The following PID1 variants were observed in gnomAD, a reference collection of about 807,000 sequenced individuals.
PID1 encodes the protein PTB-containing, cubilin and LRP1-interacting protein.
PID1 carries 10 observed loss-of-function variants against 19.1 expected under a neutral mutation model. The observed-to-expected ratio is 0.52, with a 90% CI of 0.32 to 0.89. PID1 has a LOEUF of 0.89. PID1 is among the 40% of genes least tolerant of loss of function. The pLI is 0.03. For synonymous variants in PID1, 130 were observed against 116.0 expected (o/e 1.12, Z -0.78); for missense variants, 248 against 285.3 (o/e 0.87, Z 0.94).
At chr2:229,121,039 A>C (rs2106158185) in intron 2 of PID1, among the ~76,000 whole-genome samples, 1 of 152,268 alleles carries the variant, frequency 6.6e-6, no homozygotes, top group South Asian at 2.1e-4. Context: ...CAGCATGAAG[A>C]ACTGTGAGCT....
rs375657021 is a variant in PID1 at position 229,206,489 on chromosome 2, A to G, written c.31-50525T>C. ...TAAATTCAGTTTATAAATTCTCCCC[A>G]CTGAACTTGAACAAGAAACCTCTTC... On this transcript the variant is annotated intron_variant, in intron 1 of 2. Coordinates refer to ENST00000392055, the MANE Select transcript of PID1 (RefSeq NM_001100818.2). Among the ~76,000 whole-genome samples, 7 of 152,256 alleles carry G rather than the reference A, an allele frequency of 4.6e-5. No homozygotes were observed. The South Asian group carries it at 1.0e-3, about 23-fold the overall frequency.
rs368362997 is a variant in PID1, at chr2:229,132,861, C to T, written c.177+22957G>A. 1.3e-4 allele frequency among the ~76,000 whole-genome samples: 20 copies of T among 151,858 alleles called. No homozygotes were observed. In the East Asian group the frequency reaches 3.7e-3, roughly 28 times the overall value. ...TAGAGATTTTTTTTAAATACTTAGG[C>T]GAAAGATGAGAGAATTCTAAATATG... is the stretch of plus-strand genomic sequence containing the variant. On this transcript the variant is annotated intron_variant, in intron 2 of 2. Transcript: ENST00000392055.
At chr2:229,120,107 A>G (rs377053304) in intron 2 of PID1, among the ~76,000 whole-genome samples, 1 of 152,142 alleles carries the variant, frequency 6.6e-6, no homozygotes. Flanking sequence ...TCTTATAATA[A>G]ATTTTTTTTC....
At chr2:229,144,241 C>G (rs1356687855) in intron 2 of PID1, among the ~76,000 whole-genome samples, 1 of 152,094 alleles carries the variant, frequency 6.6e-6, no homozygotes, top group Non-Finnish European at 1.5e-5. Flanking sequence ...AACAGAGGAG[C>G]ATCCAACACA....
chr2:229,209,898 A>T (rs1691689644), intron 1 of PID1, among the ~76,000 whole-genome samples: 1 of 152,178 alleles, frequency 6.6e-6, no homozygotes, highest in Non-Finnish European at 1.5e-5. Context: ...AGCACTTAGG[A>T]TCACATTGAT....
At chr2:229,262,773 T>C (rs1690492580) in intron 1 of PID1, 1 of 1,551,554 alleles carries the variant, frequency 6.4e-7, no homozygotes, top group East Asian at 2.4e-5. Context: ...TCGACTCTTC[T>C]AACATCAGGT....
intron 1 of PID1, among the ~76,000 whole-genome samples, chr2:229,250,350 A>G (rs1189140397): frequency 6.6e-6 from 1 of 152,216 alleles, no homozygotes; most frequent in Non-Finnish European, 1.5e-5. Context: ...ATGCCATTGG[A>G]CAAAATGCTT....
intron 2 of PID1, among the ~76,000 whole-genome samples, chr2:229,076,383 TG>T (rs1432842434): frequency 6.6e-6 from 1 of 152,042 alleles, no homozygotes; most frequent in Non-Finnish European, 1.5e-5. Flanking sequence ...CTTGGGTTTT[TG>T]TTTTTTTTTT....
intron 2 of PID1, among the ~76,000 whole-genome samples, chr2:229,106,889 C>T (rs114886573): frequency 0.028 from 4,216 of 152,216 alleles, 80 homozygotes; most frequent in Non-Finnish European, 0.042. Flanking sequence ...TAATTGCTAT[C>T]CCCCAGTACC....
intron 1 of PID1, among the ~76,000 whole-genome samples, chr2:229,193,161 G>A (rs1691299083): frequency 6.6e-6 from 1 of 152,190 alleles, no homozygotes; most frequent in Non-Finnish European, 1.5e-5. Flanking sequence ...GTATTGACCA[G>A]GATCAACCGG....
In PID1 at chr2:229,026,074, A is replaced by T; in HGVS notation, c.212T>A (p.Met71Lys). ...TYLGKVSTTG[M>K]QFLSGCTEKP... ...TTCTGTGCAGCCTGACAAAAACTGC[A>T]TGCCAGTGGTGGAGACTTTGCCCAG... The change falls in exon 3 of 3, where the codon ATG (methionine) becomes AAG (lysine). Residue 71 changes from methionine (M) to lysine (K), a missense_variant. Physicochemically the swap from Met to Lys is moderately conservative, Grantham distance 95. Transcript: ENST00000392055. The T allele has an allele frequency of 6.2e-7, 1 of 1,614,182 alleles. No individual in the cohort carries two copies. The highest frequency in any genetic ancestry group is 8.5e-7 in the Non-Finnish European group (1 of 1,180,012).
intron 1 of PID1, among the ~76,000 whole-genome samples, chr2:229,244,563 T>C (rs544669689): frequency 6.6e-6 from 1 of 152,310 alleles, no homozygotes; most frequent in African/African-American, 2.4e-5. Flanking sequence ...TAATTTTTCT[T>C]CCTTTCAACT....
At chr2:229,112,255 G>A (rs1559238109) in intron 2 of PID1, among the ~76,000 whole-genome samples, 3 of 152,164 alleles carry the variant, frequency 2.0e-5, no homozygotes, top group African/African-American at 7.2e-5. Context: ...ACATTCTAGA[G>A]AGGAAGAATT....
chr2:229,270,797 T>G (rs968428594), intron 1 of PID1, among the ~76,000 whole-genome samples: 2 of 152,086 alleles, frequency 1.3e-5, no homozygotes, highest in African/African-American at 4.8e-5. Flanking sequence ...AAGCCAAAAG[T>G]TGTAACGCCT....
chr2:229,099,392 C>T (rs573163602), intron 2 of PID1, among the ~76,000 whole-genome samples: 7 of 152,282 alleles, frequency 4.6e-5, no homozygotes, highest in Admixed American at 1.3e-4. Flanking sequence ...GGCTTTGACA[C>T]AGACCATTTT....
At chr2:229,174,939 A>T (rs1175518067) in intron 1 of PID1, among the ~76,000 whole-genome samples, 1 of 152,142 alleles carries the variant, frequency 6.6e-6, no homozygotes, top group African/African-American at 2.4e-5. Context: ...GGCAGCTTCC[A>T]CTTGCTGAAC....
chr2:229,206,696 T>C (rs916205401), intron 1 of PID1, among the ~76,000 whole-genome samples: 5 of 152,198 alleles, frequency 3.3e-5, no homozygotes, highest in African/African-American at 1.2e-4. Context: ...TTGGTACCCG[T>C]AGTTCTATCT....
chr2:229,130,438 GA>G (rs1188926099), intron 2 of PID1, among the ~76,000 whole-genome samples: 1 of 152,178 alleles, frequency 6.6e-6, no homozygotes, highest in Non-Finnish European at 1.5e-5. Context: ...AGAAAACATA[GA>G]AAAGTCTTTA....
intron 2 of PID1, among the ~76,000 whole-genome samples, chr2:229,093,516 C>T (rs1394987197): frequency 1.3e-5 from 2 of 152,158 alleles, no homozygotes; most frequent in African/African-American, 4.8e-5. Flanking sequence ...TCTGCAATAA[C>T]ATTTACTCAT....
Sources: gnomAD v4.1 joint callset for allele counts (sites outside exome capture counted in the v4.1 genomes callset) on GRCh38, gnomAD v4.1.1 for gene constraint, MANE v1.5 for transcripts, NCBI Gene and HGNC (gene_info 2026-07-23, HGNC 2026-07-21) for gene names.